Variants in ARSG observed in about 807,000 individuals in gnomAD.
ARSG encodes the protein arylsulfatase G, also known as ASG.
ARSG carries 37 observed loss-of-function variants against 50.5 expected under a neutral mutation model. The observed-to-expected ratio is 0.73, with a 90% CI of 0.56 to 0.96. The LOEUF (loss-of-function observed/expected upper bound fraction) is 0.96. Ranked by LOEUF, ARSG falls within the 50% of genes least tolerant of loss-of-function variation. The pLI is 0.00. For missense variants in ARSG, 629 were observed against 675.3 expected (o/e 0.93, Z 0.76); for synonymous variants, 225 against 254.6 (o/e 0.88, Z 1.11).
At chr17:68,270,615 C>T (rs1448961975) in intron 1 of ARSG, among the ~76,000 whole-genome samples, 6 of 151,698 alleles carry the variant, frequency 4.0e-5, no homozygotes, top group East Asian at 1.9e-4. Flanking sequence ...AGTCCTGAAT[C>T]GACCACTAAT....
intron 1 of ARSG, among the ~76,000 whole-genome samples, chr17:68,266,709 G>A (rs2144887024): frequency 6.6e-6 from 1 of 151,788 alleles, no homozygotes; most frequent in African/African-American, 2.4e-5. Context: ...TACATGGGAG[G>A]GTGAGACAGG....
In ARSG at chr17:68,271,406, G is replaced by A. The variant is rs1778653055; in HGVS notation, c.-552+11980G>A. On this transcript the variant is annotated intron_variant, in intron 1 of 11. Transcript: ENST00000448504. This position sits in a 1 kb window ranked among gnomAD's most constrained non-coding sequence, Gnocchi z 5.3. Reference sequence around the variant, plus strand: ...TCCAGTTCCAGGTTAGTGTGAGTAGGCACATTTTTAGGTGAGGTAGTTAGT... The same window carrying A: ...TCCAGTTCCAGGTTAGTGTGAGTAGACACATTTTTAGGTGAGGTAGTTAGT... 1 of 1,614,226 alleles carries A rather than the reference G, an allele frequency of 6.2e-7. No homozygotes were observed. The highest frequency in any genetic ancestry group is 8.5e-7 in the Non-Finnish European group (1 of 1,180,052).
At chr17:68,376,845 G>A (rs530149014) in intron 8 of ARSG, among the ~76,000 whole-genome samples, 48 of 148,620 alleles carry the variant, frequency 3.2e-4, no homozygotes, top group African/African-American at 1.1e-3. Flanking sequence ...GCCAAAGTTG[G>A]AAAAGACCTC....
chr17:68,393,867 CAAA>C (rs762829963), intron 9 of ARSG, among the ~76,000 whole-genome samples: 3 of 106,198 alleles, frequency 2.8e-5, no homozygotes, highest in Admixed American at 9.4e-5. Flanking sequence ...GACTCCATCT[CAAA>C]AAAAAAAAAA....
chr17:68,328,772 G>A (rs148410682), intron 2 of ARSG, among the ~76,000 whole-genome samples: 1 of 152,330 alleles, frequency 6.6e-6, no homozygotes, highest in East Asian at 1.9e-4. Context: ...CTGGAGGGAT[G>A]AAGTCATGGG....
intron 6 of ARSG, among the ~76,000 whole-genome samples, chr17:68,365,488 T>C (rs2079504690): frequency 6.6e-6 from 1 of 152,156 alleles, no homozygotes; most frequent in African/African-American, 2.4e-5. Flanking sequence ...GATGCAGGAT[T>C]CTCAAGCCTG....
intron 8 of ARSG, among the ~76,000 whole-genome samples, chr17:68,372,168 G>A (rs141920277): frequency 1.4e-4 from 22 of 152,246 alleles, no homozygotes; most frequent in African/African-American, 5.1e-4. Flanking sequence ...CTGGGACTGT[G>A]TATTAGTCCA....
Position 68,391,464 on chromosome 17 carries a change from C to T in ARSG, c.1092-3609C>T, listed in dbSNP as rs190114743. Among the ~76,000 whole-genome samples, 4 of 152,246 alleles carry T rather than the reference C, an allele frequency of 2.6e-5. No individual in the cohort carries two copies. The East Asian group carries it at 5.8e-4, about 22-fold the overall frequency. On this transcript the variant is annotated intron_variant, in intron 9 of 11. Coordinates refer to ENST00000621439, the MANE Select transcript of ARSG (RefSeq NM_001267727.2). ...GCCAAAGTCTGAGACATTAGGATTCCGTGAACATTAGACTTAGTGCTCTAT... is the reference window on the plus strand; with the variant it reads ...GCCAAAGTCTGAGACATTAGGATTCTGTGAACATTAGACTTAGTGCTCTAT...
At chr17:68,323,816 T>C (rs979968169) in intron 2 of ARSG, among the ~76,000 whole-genome samples, 5 of 152,136 alleles carry the variant, frequency 3.3e-5, no homozygotes, top group Admixed American at 1.3e-4. Context: ...CTCATGCCTG[T>C]AATCCCAACA....
At chr17:68,425,964 A>AGTT (rs1455736209), downstream of ARSG, 1 of 786,368 alleles carries the variant, frequency 1.3e-6, no homozygotes, top group East Asian at 2.5e-5. Context: ...GCAGAGAATT[A>AGTT]GTTGTTATAG....
intron 1 of ARSG, chr17:68,282,875 G>C (rs1251287956): frequency 6.0e-5 from 9 of 151,004 alleles, no homozygotes; most frequent in Admixed American, 4.0e-4. Flanking sequence ...TTGAACCCCG[G>C]AGGTGGAGGT....
intron 11 of ARSG, among the ~76,000 whole-genome samples, chr17:68,419,723 G>A (rs2082633639): frequency 6.6e-6 from 1 of 152,028 alleles, no homozygotes; most frequent in South Asian, 2.1e-4. Flanking sequence ...ATTTTGGGAG[G>A]CTGGGACAGG....
chr17:68,329,298 G>C (rs2077628827), intron 2 of ARSG, among the ~76,000 whole-genome samples: 1 of 152,242 alleles, frequency 6.6e-6, no homozygotes, highest in Non-Finnish European at 1.5e-5. Flanking sequence ...GGAGGGGTTT[G>C]ATGCCACACA....
downstream of ARSG, among the ~76,000 whole-genome samples, chr17:68,426,838 T>A (rs535594840): frequency 6.6e-6 from 1 of 152,196 alleles, no homozygotes; most frequent in Non-Finnish European, 1.5e-5. Context: ...CCTGGCCTCA[T>A]TGGAATTTTT....
intron 6 of ARSG, among the ~76,000 whole-genome samples, chr17:68,365,525 A>G (rs1045883402): frequency 2.0e-5 from 3 of 152,204 alleles, no homozygotes; most frequent in Admixed American, 2.0e-4. Context: ...GTGCTCTGCC[A>G]TCTCTCATAA....
intron 3 of ARSG, among the ~76,000 whole-genome samples, chr17:68,345,645 A>G (rs1313485270): frequency 1.3e-5 from 2 of 152,004 alleles, no homozygotes; most frequent in African/African-American, 2.4e-5. Context: ...CTTTTACAAC[A>G]CTCACACTTT....
chr17:68,397,397 G>A (rs1392568075), intron 10 of ARSG, among the ~76,000 whole-genome samples: 2 of 152,160 alleles, frequency 1.3e-5, no homozygotes, highest in African/African-American at 4.8e-5. Context: ...GCACCTGTGG[G>A]TCACACTCAG....
intron 8 of ARSG, among the ~76,000 whole-genome samples, chr17:68,376,970 C>T (rs1024209324): frequency 3.3e-5 from 5 of 152,088 alleles, no homozygotes; most frequent in African/African-American, 1.2e-4. Flanking sequence ...AGCGATTCTC[C>T]TGCTTCAGCC....
chr17:68,358,353 G>C (rs12946411), intron 6 of ARSG, among the ~76,000 whole-genome samples: 10 of 152,012 alleles, frequency 6.6e-5, no homozygotes, highest in East Asian at 1.9e-4. Flanking sequence ...AGGAATTCCA[G>C]ACTAGCCTGG....
Sources: gnomAD v4.1 joint callset for allele counts (sites outside exome capture counted in the v4.1 genomes callset) on GRCh38, gnomAD v4.1.1 for gene constraint, Gnocchi (gnomAD v3.1) non-coding constraint, MANE v1.5 for transcripts, NCBI Gene and HGNC (gene_info 2026-07-23, HGNC 2026-07-21) for gene names.